PGM2L1: variants seen among roughly 807,000 people sequenced by gnomAD.
PGM2L1 encodes glucose 1,6-bisphosphate synthase.
Under a neutral mutation model 73.4 loss-of-function variants are expected in PGM2L1, and 35 were observed. The observed-to-expected ratio is 0.48, with a 90% confidence interval of 0.36 to 0.63. The LOEUF is 0.63. Among genes scored for constraint, PGM2L1 ranks in the 30% least tolerant of loss-of-function variants. PGM2L1 has a pLI of 0.00. For missense variants in PGM2L1, 570 were observed against 742.0 expected, an observed-to-expected ratio of 0.77 and a Z score of 2.69; for synonymous variants, 225 against 253.8, an observed-to-expected ratio of 0.89 and a Z score of 1.08.
intron 6 of PGM2L1, among the ~76,000 whole-genome samples, chr11:74,349,650 C>CT (rs1344530006): frequency 6.6e-6 from 1 of 151,976 alleles, no homozygotes; most frequent in Non-Finnish European, 1.5e-5. Context: ...AGGCATTGGC[C>CT]TTTTTAGTAA....
At chr11:74,356,318 T>A (rs1862454733) in intron 5 of PGM2L1, among the ~76,000 whole-genome samples, 1 of 152,234 alleles carries the variant, frequency 6.6e-6, no homozygotes, top group African/African-American at 2.4e-5. Flanking sequence ...AAATGATTGT[T>A]GACACATACT....
intron 9 of PGM2L1, among the ~76,000 whole-genome samples, chr11:74,345,074 G>A (rs537191216): frequency 6.6e-6 from 1 of 152,138 alleles, no homozygotes. Context: ...CAATTTAGAA[G>A]ACTACTTGAA....
chr11:74,373,452 T>C (rs1220554668), intron 2 of PGM2L1, among the ~76,000 whole-genome samples: 1 of 152,220 alleles, frequency 6.6e-6, no homozygotes, highest in African/African-American at 2.4e-5. Flanking sequence ...CAATTAGAAT[T>C]ATGTCTACTG....
At chr11:74,349,677 G>A (rs148887000) in intron 6 of PGM2L1, among the ~76,000 whole-genome samples, 26 of 151,916 alleles carry the variant, frequency 1.7e-4, no homozygotes, top group Non-Finnish European at 3.2e-4. Context: ...TAGTATTTTG[G>A]TATTTTAGGT....
At chr11:74,355,229 T>G in intron 5 of PGM2L1, 1 of 1,387,578 alleles carries the variant, frequency 7.2e-7, no homozygotes, top group Non-Finnish European at 1.0e-6. Context: ...GAAGCTACAA[T>G]GATTTTGGCA....
chr11:74,394,900 G>A (rs1863151326), intron 1 of PGM2L1, among the ~76,000 whole-genome samples: 1 of 151,900 alleles, frequency 6.6e-6, no homozygotes, highest in Non-Finnish European at 1.5e-5. Context: ...GTGGCATTTG[G>A]TTCCTTTTTT....
intron 8 of PGM2L1, among the ~76,000 whole-genome samples, chr11:74,346,270 C>CAAAAAAAAA (rs751742460): frequency 5.2e-5 from 3 of 57,876 alleles, no homozygotes; most frequent in Non-Finnish European, 6.1e-5. Context: ...ACTATGTCTC[C>CAAAAAAAAA]AAAAAAAAAA....
chr11:74,351,232 A>G (rs1862347497), intron 6 of PGM2L1, 151 bp downstream of exon 6: 2 of 673,172 alleles, frequency 3.0e-6, no homozygotes, highest in Admixed American at 6.6e-5. Flanking sequence ...GTTAATGGTT[A>G]CTTGGGTTAT....
At chr11:74,348,290 TACTA>T (rs1230632472) in intron 6 of PGM2L1, among the ~76,000 whole-genome samples, 3 of 152,260 alleles carry the variant, frequency 2.0e-5, no homozygotes, top group Middle Eastern at 6.8e-3. Flanking sequence ...ACCTACCATT[TACTA>T]ACTATTCCCC....
chr11:74,357,767 AG>A (rs77177280), intron 5 of PGM2L1, among the ~76,000 whole-genome samples: 56,845 of 152,122 alleles, frequency 0.37, 12,612 homozygotes, highest in East Asian at 0.52. Context: ...AAAACTTGGA[AG>A]AATCTATGAT....
At chr11:74,385,823 T>C (rs1863010590) in intron 1 of PGM2L1, among the ~76,000 whole-genome samples, 1 of 152,084 alleles carries the variant, frequency 6.6e-6, no homozygotes, top group Non-Finnish European at 1.5e-5. Flanking sequence ...CATATTCTTC[T>C]GAAATTAGGC....
chr11:74,378,255 T>C (rs965266529), intron 1 of PGM2L1, among the ~76,000 whole-genome samples: 1 of 151,874 alleles, frequency 6.6e-6, no homozygotes, highest in Non-Finnish European at 1.5e-5. Context: ...TGAGCCGAGA[T>C]TGCGCCACTG....
intron 5 of PGM2L1, chr11:74,355,864 A>G (rs1862443874): frequency 9.6e-6 from 4 of 418,392 alleles, no homozygotes; most frequent in African/African-American, 4.1e-5. Context: ...TTTTAGACAA[A>G]TACTCATGTG....
At chr11:74,366,786 G>T (rs1345976870) in intron 5 of PGM2L1, among the ~76,000 whole-genome samples, 1 of 152,128 alleles carries the variant, frequency 6.6e-6, no homozygotes, top group Non-Finnish European at 1.5e-5. Context: ...CAGGCATGAG[G>T]CAGATTATGC....
Position 74,372,043 on chromosome 11 carries a change from C to T in PGM2L1, c.280-226G>A, listed in dbSNP as rs78261472. ...GACACATTTAATACCATGGAAATAC[C>T]GATTTAGTAACCACTACTAAACCAC... On this transcript the variant is annotated intron_variant, in intron 2 of 13. Coordinates refer to ENST00000298198, the MANE Select transcript of PGM2L1 (RefSeq NM_173582.6). 9.4e-3 allele frequency among the ~76,000 whole-genome samples: 1,419 copies of T among 151,430 alleles called. 24 individuals carry two copies. The highest frequency in any genetic ancestry group is 0.03 in the African/African-American group (1,257 of 41,256).
intron 4 of PGM2L1, among the ~76,000 whole-genome samples, chr11:74,369,364 GAGAAATTTGAATTAAACATAAAT>G (rs1862714523): frequency 1.3e-5 from 2 of 150,802 alleles, no homozygotes; most frequent in African/African-American, 5.0e-5. Flanking sequence ...TAATAATAGA[GAGAAATTTGAATTAAACATAAAT>G]GGAGTTATAG....
At position 74,372,304 on chromosome 11, in the gene PGM2L1, T is replaced by C. The variant is rs79454623; in HGVS notation, c.280-487A>G. ...TTTAATCAGCAACACAGTTCTTCACTAGAACATTTCTTATGATGGATGATC... is the reference window on the plus strand; with the variant it reads ...TTTAATCAGCAACACAGTTCTTCACCAGAACATTTCTTATGATGGATGATC... On this transcript the variant is annotated intron_variant, in intron 2 of 13. Coordinates refer to ENST00000298198, the MANE Select transcript of PGM2L1 (RefSeq NM_173582.6). Among the ~76,000 whole-genome samples, 836 of 152,324 alleles carry C rather than the reference T, an allele frequency of 5.5e-3. 9 individuals carry two copies. Among genetic ancestry groups the C allele is most frequent in the African/African-American group, 0.017 (705 of 41,576 alleles).
At chr11:74,364,364 G>C (rs914344042) in intron 5 of PGM2L1, among the ~76,000 whole-genome samples, 16 of 152,174 alleles carry the variant, frequency 1.1e-4, no homozygotes, top group Non-Finnish European at 1.5e-5. Flanking sequence ...GTTCTGGCCA[G>C]GGCAATCAGG....
chr11:74,393,932 G>A (rs1309300131), intron 1 of PGM2L1, among the ~76,000 whole-genome samples: 3 of 152,024 alleles, frequency 2.0e-5, no homozygotes, highest in Non-Finnish European at 2.9e-5. Context: ...CTGCTTCTGG[G>A]CCAGCAAAAC....
Sources: gnomAD v4.1 joint callset for allele counts (sites outside exome capture counted in the v4.1 genomes callset) on GRCh38, gnomAD v4.1.1 for gene constraint, MANE v1.5 for transcripts, NCBI Gene and HGNC (gene_info 2026-07-23, HGNC 2026-07-21) for gene names.